ATRNL1: variants seen among roughly 807,000 people sequenced by gnomAD.
The protein encoded by ATRNL1 is attractin like 1.
Under a neutral mutation model 182.7 loss-of-function variants are expected in ATRNL1, and 95 were observed. That is an observed-to-expected ratio of 0.52 (90% CI 0.44 to 0.62). The LOEUF (loss-of-function observed/expected upper bound fraction) is 0.62. Among genes scored for constraint, ATRNL1 ranks in the 20% least tolerant of loss-of-function variants. ATRNL1 has a pLI of 0.00. For synonymous variants in ATRNL1, 576 were observed against 568.3 expected, an observed-to-expected ratio of 1.01 and a Z score of -0.19; for missense variants, 1,471 against 1,679.5, an observed-to-expected ratio of 0.88 and a Z score of 2.17.
chr10:115,717,548 C>CTTTGTTTTTTTTTTTT (rs1947291511), intron 26 of ATRNL1, among the ~76,000 whole-genome samples: 2 of 84,348 alleles, frequency 2.4e-5, no homozygotes, highest in Admixed American at 1.8e-4. Context: ...CTGAAATGTT[C>CTTTGTTTTTTTTTTTT]TTTTTTTTTT....
chr10:115,093,715 C>G lies in ATRNL1; in HGVS notation c.-36C>G. The stretch of plus-strand genomic sequence containing the variant: ...TCAACAGCATCCCTGTCGGCGCCCG[C>G]GAGCGCAGTCTCGCCGGGCAGGGGC... On this transcript the variant is annotated 5_prime_UTR_variant, in exon 1 of 29. Coordinates refer to ENST00000355044, the MANE Select transcript of ATRNL1 (RefSeq NM_207303.4). The surrounding 1 kb of genome is among the most constrained non-coding windows in gnomAD (Gnocchi z 6.1). 2 of 1,416,886 alleles carry G rather than the reference C, an allele frequency of 1.4e-6. No homozygotes were observed. The highest frequency in any genetic ancestry group is 3.0e-5 in the East Asian group (1 of 33,478). 87.8% of individuals were successfully genotyped at this position (1,416,886 alleles called of 1,614,324 possible). A position where few individuals can be genotyped will look rare whatever the true frequency, so the allele number is the denominator to read the frequency against.
rs183854332 is a variant in ATRNL1 at position 115,863,199 on chromosome 10, A to C, written c.4018+15208A>C. The stretch of plus-strand genomic sequence containing the variant: ...AAAAAACCTGACCTTTCACCTACCC[A>C]ATCAGTTAGGATGTGGGAGAACCCA... On this transcript the variant is annotated intron_variant, in intron 28 of 28. Transcript: ENST00000355044. Among the ~76,000 whole-genome samples the C allele has an allele frequency of 1.4e-3, 209 of 152,296 alleles. 1 individual carries two copies. Among genetic ancestry groups the C allele is most frequent in the Admixed American group, 2.2e-3 (33 of 15,296 alleles).
chr10:115,743,057 A>G (rs1555068094), intron 27 of ATRNL1, among the ~76,000 whole-genome samples: 1 of 152,008 alleles, frequency 6.6e-6, no homozygotes, highest in Admixed American at 6.6e-5. Flanking sequence ...TAAAGCCATC[A>G]CATCTCATGA....
At chr10:115,415,013 A>G (rs1385730469) in intron 20 of ATRNL1, among the ~76,000 whole-genome samples, 2 of 152,026 alleles carry the variant, frequency 1.3e-5, no homozygotes, top group African/African-American at 2.4e-5. Flanking sequence ...ACTCGTATGT[A>G]TGTAGTTTTA....
At chr10:115,466,410 G>T (rs538680229) in intron 22 of ATRNL1, among the ~76,000 whole-genome samples, 1 of 151,360 alleles carries the variant, frequency 6.6e-6, no homozygotes, top group East Asian at 1.9e-4. Flanking sequence ...TACCCATTAT[G>T]ACTATCATTC....
intron 28 of ATRNL1, among the ~76,000 whole-genome samples, chr10:115,849,719 G>A (rs1446137287): frequency 6.6e-6 from 1 of 152,062 alleles, no homozygotes; most frequent in African/African-American, 2.4e-5. Context: ...TGAGGGGAGT[G>A]AGACGTAGAA....
intron 26 of ATRNL1, among the ~76,000 whole-genome samples, chr10:115,603,757 C>T (rs919848680): frequency 6.6e-6 from 1 of 152,146 alleles, no homozygotes; most frequent in African/African-American, 2.4e-5. Flanking sequence ...CTCTCCATTG[C>T]TTTGTCTAGA....
chr10:115,845,516 G>T (rs1336314012), intron 27 of ATRNL1, among the ~76,000 whole-genome samples: 2 of 151,926 alleles, frequency 1.3e-5, no homozygotes, highest in Non-Finnish European at 2.9e-5. Flanking sequence ...TGCTGTTGAT[G>T]ATTTGATGTT....
chr10:115,387,873 T>C lies in ATRNL1; in HGVS notation c.3176-6786T>C, dbSNP rs143835319. ...TTATGGCTATTGTGAATCTGATCACTCGTATCACTACTGTAAATCTACTAC... is the reference window on the plus strand; with the variant it reads ...TTATGGCTATTGTGAATCTGATCACCCGTATCACTACTGTAAATCTACTAC... On this transcript the variant is annotated intron_variant, in intron 19 of 28. Transcript: ENST00000355044. 2.6e-5 allele frequency among the ~76,000 whole-genome samples: 4 copies of C among 152,330 alleles called. No individual in the cohort carries two copies. In the East Asian group the frequency reaches 7.7e-4, roughly 29 times the overall value.
chr10:115,713,451 G>GTGTGTGTGTGTGTGTGTGTT (rs1271759128), intron 26 of ATRNL1, among the ~76,000 whole-genome samples: 5 of 85,188 alleles, frequency 5.9e-5, no homozygotes, highest in African/African-American at 1.8e-4. Flanking sequence ...GGCTGTGTGT[G>GTGTGTGTGTGTGTGTGTGTT]TGTGTGTGTG....
rs138511577 is a variant in ATRNL1 at position 115,839,393 on chromosome 10, G to A, written c.3904-8484G>A. On this transcript the variant is annotated intron_variant, in intron 27 of 28. Coordinates refer to ENST00000355044, the MANE Select transcript of ATRNL1 (RefSeq NM_207303.4). ...AATCCCAGTCATGGCCAGGAAGGAT[G>A]TGAAGGGCTAACGGGGGACCTGGAT... 3.9e-3 allele frequency among the ~76,000 whole-genome samples: 587 copies of A among 152,264 alleles called. 3 individuals carry two copies. Among genetic ancestry groups the A allele is most frequent in the African/African-American group, 0.013 (558 of 41,572 alleles).
intron 28 of ATRNL1, among the ~76,000 whole-genome samples, chr10:115,870,630 A>C (rs1308347777): frequency 6.6e-6 from 1 of 152,206 alleles, no homozygotes; most frequent in Non-Finnish European, 1.5e-5. Context: ...AGTGTGACCT[A>C]ACCAATCCAT....
At chr10:115,844,476 C>T (rs1395092536) in intron 27 of ATRNL1, among the ~76,000 whole-genome samples, 1 of 151,998 alleles carries the variant, frequency 6.6e-6, no homozygotes, top group Non-Finnish European at 1.5e-5. Flanking sequence ...AGAACTATAC[C>T]TTGAAAATCT....
chr10:115,499,879 G>A (rs554961057), intron 24 of ATRNL1, among the ~76,000 whole-genome samples: 27 of 152,206 alleles, frequency 1.8e-4, no homozygotes, highest in Non-Finnish European at 3.4e-4. Flanking sequence ...TTCCTTTCAC[G>A]TTTACTCCTT....
At chr10:115,685,815 G>A (rs1946199633) in intron 26 of ATRNL1, among the ~76,000 whole-genome samples, 1 of 151,374 alleles carries the variant, frequency 6.6e-6, no homozygotes, top group Non-Finnish European at 1.5e-5. Context: ...TACAATTGAT[G>A]CCTATATTAT....
intron 28 of ATRNL1, among the ~76,000 whole-genome samples, chr10:115,848,462 C>T (rs757650377): frequency 3.3e-5 from 5 of 152,146 alleles, no homozygotes; most frequent in South Asian, 2.1e-4. Flanking sequence ...GATAGCTTCA[C>T]GCAACCATCT....
At chr10:115,752,931 A>G (rs1357219454) in intron 27 of ATRNL1, among the ~76,000 whole-genome samples, 1 of 152,038 alleles carries the variant, frequency 6.6e-6, no homozygotes, top group Non-Finnish European at 1.5e-5. Context: ...GCTGTTTTGC[A>G]TGAGGACTGT....
At chr10:115,232,933 C>T (rs142765625) in intron 9 of ATRNL1, among the ~76,000 whole-genome samples, 94 of 152,258 alleles carry the variant, frequency 6.2e-4, no homozygotes, top group African/African-American at 2.1e-3. Flanking sequence ...TAGCTTCTCA[C>T]AGTTCTGGTG....
chr10:115,271,204 GT>G (rs1344425305), intron 13 of ATRNL1, among the ~76,000 whole-genome samples: 2 of 139,588 alleles, frequency 1.4e-5, no homozygotes, highest in Admixed American at 6.9e-5. Flanking sequence ...ACACACAGAT[GT>G]ATTCTTAGCA....
Sources: allele counts gnomAD v4.1 joint callset (sites outside exome capture counted in the v4.1 genomes callset), GRCh38; gene constraint gnomAD v4.1.1; non-coding constraint Gnocchi (gnomAD v3.1); transcripts MANE v1.5; gene names NCBI Gene and HGNC (gene_info 2026-07-23, HGNC 2026-07-21).